The following TEC variants were observed in gnomAD, a reference collection of about 807,000 sequenced individuals.
The protein encoded by TEC is tyrosine-protein kinase Tec.
TEC carries 72 observed loss-of-function variants against 93.0 expected under a neutral mutation model. That is an observed-to-expected ratio of 0.77 (90% CI 0.64 to 0.94). TEC has a LOEUF of 0.94. Among genes scored for constraint, TEC ranks in the 40% least tolerant of loss-of-function variants. The pLI, the probability that TEC is intolerant of heterozygous loss-of-function variation, is 0.00. For missense variants in TEC, 630 were observed against 757.9 expected (o/e 0.83, Z 1.98); for synonymous variants, 249 against 247.7 (o/e 1.01, Z -0.05).
At chr4:48,179,202 T>C (rs1301985867) in intron 2 of TEC, among the ~76,000 whole-genome samples, 1 of 151,762 alleles carries the variant, frequency 6.6e-6, no homozygotes, top group African/African-American at 2.4e-5. Context: ...CCAGGTGCTT[T>C]TAATCCTCAC....
At position 48,138,980 on chromosome 4, in the gene TEC, C is replaced by T. The variant is rs770691457; in HGVS notation, c.1578G>A (p.Lys526=). 1.1e-5 allele frequency: 18 copies of T among 1,614,106 alleles called. No homozygotes were observed. The highest frequency in any genetic ancestry group is 3.4e-6 in the Non-Finnish European group (4 of 1,180,026). ...CAGGTGGACACCACTTCACAGGAAA[C>T]TTAGCACCAGAAGAACTTGTGTACT... The part of the protein sequence containing the change: ...DDQYTSSSGA[K]FPVKWCPPEV... The change falls in exon 16 of 18, where the codon AAG becomes AAA. Residue 526 remains lysine, a synonymous_variant. Coordinates refer to ENST00000381501, the MANE Select transcript of TEC (RefSeq NM_003215.3).
At chr4:48,221,750 G>A (rs532824750) in intron 2 of TEC, among the ~76,000 whole-genome samples, 99 of 152,264 alleles carry the variant, frequency 6.5e-4, no homozygotes, top group African/African-American at 2.2e-3. Context: ...CTAGAGGTTG[G>A]AGGGTAGGGC....
chr4:48,234,990 T>TAC, intron 1 of TEC, among the ~76,000 whole-genome samples: 1 of 152,072 alleles, frequency 6.6e-6, no homozygotes, highest in Non-Finnish European at 1.5e-5. Flanking sequence ...TAGCCTCTAC[T>TAC]CTGTAAAATA....
intron 1 of TEC, among the ~76,000 whole-genome samples, chr4:48,240,498 G>C (rs1158510578): frequency 1.3e-5 from 2 of 152,078 alleles, no homozygotes; most frequent in Admixed American, 6.5e-5. Flanking sequence ...GCAGAGCCTT[G>C]TGCTAATGTA....
At chr4:48,266,081 ATG>A (rs1724632238) in intron 1 of TEC, among the ~76,000 whole-genome samples, 1 of 151,138 alleles carries the variant, frequency 6.6e-6, no homozygotes, top group African/African-American at 2.4e-5. Context: ...CAATAGAACA[ATG>A]CCTTCAAAAT....
At chr4:48,266,343 T>G (rs1724637565) in intron 1 of TEC, among the ~76,000 whole-genome samples, 1 of 152,082 alleles carries the variant, frequency 6.6e-6, no homozygotes, top group South Asian at 2.1e-4. Flanking sequence ...ACCCTTGGGG[T>G]GACAAGTGTG....
intron 2 of TEC, among the ~76,000 whole-genome samples, chr4:48,221,090 G>T (rs1241078376): frequency 4.6e-5 from 7 of 152,190 alleles, no homozygotes; most frequent in Non-Finnish European, 1.0e-4. Flanking sequence ...TTATTACAAG[G>T]ATATTTTAAA....
chr4:48,253,000 T>G (rs1411658306), intron 1 of TEC, among the ~76,000 whole-genome samples: 1 of 152,206 alleles, frequency 6.6e-6, no homozygotes, highest in African/African-American at 2.4e-5. Flanking sequence ...TCTCAGGGGC[T>G]TTAATAGGTG....
At chr4:48,154,823 T>G (rs958159040) in intron 9 of TEC, among the ~76,000 whole-genome samples, 1 of 152,160 alleles carries the variant, frequency 6.6e-6, no homozygotes, top group Non-Finnish European at 1.5e-5. Flanking sequence ...CTATTGAAGG[T>G]TGTGTGGACT....
At chr4:48,184,500 C>A (rs115871512) in intron 2 of TEC, among the ~76,000 whole-genome samples, 1,843 of 152,302 alleles carry the variant, frequency 0.012, 19 homozygotes, top group Non-Finnish European at 0.018. Context: ...GTAAGTAGTT[C>A]TCTTGCCATC....
At chr4:48,154,079 G>A (rs773422219) in intron 9 of TEC, among the ~76,000 whole-genome samples, 1 of 152,162 alleles carries the variant, frequency 6.6e-6, no homozygotes, top group Non-Finnish European at 1.5e-5. Flanking sequence ...CTAACAAAAG[G>A]GAAAATGAAA....
chr4:48,154,144 T>A (rs1052703760), intron 9 of TEC, among the ~76,000 whole-genome samples: 2 of 152,272 alleles, frequency 1.3e-5, no homozygotes, highest in Non-Finnish European at 2.9e-5. Context: ...GGTTTGCTCC[T>A]GTGTGCCTGT....
chr4:48,193,867 G>C (rs774842799), intron 2 of TEC, among the ~76,000 whole-genome samples: 14 of 152,176 alleles, frequency 9.2e-5, no homozygotes, highest in African/African-American at 3.1e-4. Flanking sequence ...GAACTTGGGA[G>C]AGATAAGCTT....
chr4:48,149,229 T>C (rs1158533978), intron 11 of TEC, among the ~76,000 whole-genome samples: 3 of 152,180 alleles, frequency 2.0e-5, no homozygotes, highest in Non-Finnish European at 2.9e-5. Flanking sequence ...TTTCTGTCTT[T>C]AGGTCTTTGA....
At position 48,246,133 on chromosome 4, in the gene TEC, G is replaced by A. The variant is rs187319999; in HGVS notation, c.-45-17474C>T. Among the ~76,000 whole-genome samples the A allele has an allele frequency of 2.0e-4, 31 of 151,842 alleles. 1 individual carries two copies. Among genetic ancestry groups the A allele is most frequent in the Admixed American group, 1.2e-3 (18 of 15,226 alleles). ...TCAAAACAAGAAAAATTATTTTTAC[G>A]GATTTATCATTTTTATCTTGTCTAC... On this transcript the variant is annotated intron_variant, in intron 1 of 17. Coordinates refer to ENST00000381501, the MANE Select transcript of TEC (RefSeq NM_003215.3).
chr4:48,258,133 A>G (rs2353295), intron 1 of TEC, among the ~76,000 whole-genome samples: 81,423 of 148,728 alleles, frequency 0.55, 22,522 homozygotes, highest in East Asian at 0.68. Context: ...ATCTGAATGC[A>G]TTGTTTTTTT....
At chr4:48,246,052 T>A (rs1724046332) in intron 1 of TEC, among the ~76,000 whole-genome samples, 1 of 152,128 alleles carries the variant, frequency 6.6e-6, no homozygotes, top group African/African-American at 2.4e-5. Flanking sequence ...GAGAGTGCAG[T>A]GAGCCGAGAT....
chr4:48,153,362 C>T (rs1483065082), intron 9 of TEC: 1 of 152,160 alleles, frequency 6.6e-6, no homozygotes, highest in Non-Finnish European at 1.5e-5. Context: ...TGAGCCACTA[C>T]AGGAGACTCT....
chr4:48,179,376 A>ATTTT lies in TEC; in HGVS notation c.139-3194_139-3191dup, dbSNP rs1159156668. Reference sequence around the variant, plus strand: ...TATATATATATATATATATATATATATTTTTTTTTTTTTTTTTTTTTTTTC... The same window carrying ATTTT: ...TATATATATATATATATATATATATATTTTTTTTTTTTTTTTTTTTTTTTTTTTC... On this transcript the variant is annotated intron_variant, in intron 2 of 17. Transcript: ENST00000381501. Among the ~76,000 whole-genome samples, 89 of 21,154 alleles carry ATTTT rather than the reference A, an allele frequency of 4.2e-3. 6 individuals are homozygous for ATTTT. Among genetic ancestry groups the ATTTT allele is most frequent in the Non-Finnish European group, 5.6e-3 (67 of 11,924 alleles). 13.9% of individuals were successfully genotyped at this position (21,154 alleles called of 152,430 possible).
Sources: gnomAD v4.1 joint callset for allele counts (sites outside exome capture counted in the v4.1 genomes callset) on GRCh38, gnomAD v4.1.1 for gene constraint, MANE v1.5 for transcripts, NCBI Gene and HGNC (gene_info 2026-07-23, HGNC 2026-07-21) for gene names.